DLGAP2: variants seen among roughly 807,000 people sequenced by gnomAD.
DLGAP2 encodes the protein DLG associated protein 2.
A neutral mutation model predicts 100.3 loss-of-function variants in DLGAP2; 26 were observed. The observed-to-expected ratio is 0.26, with a 90% CI of 0.19 to 0.36. The LOEUF is 0.36. Ranked by LOEUF, DLGAP2 falls within the 10% of genes least tolerant of loss-of-function variation. The probability of loss-of-function intolerance (pLI) is 1.00; values close to 1 mark genes in which losing one functional copy is unlikely to be tolerated. For missense variants in DLGAP2, 1,858 were observed against 1,453.2 expected (o/e 1.28, Z -4.53); for synonymous variants, 886 against 630.1 (o/e 1.41, Z -6.08).
chr8:1,141,390 C>G (rs182222128), intron 2 of DLGAP2, among the ~76,000 whole-genome samples: 1 of 152,262 alleles, frequency 6.6e-6, no homozygotes, highest in Admixed American at 6.5e-5. Context: ...TAAAGCATTT[C>G]AAGCATTATT....
Position 1,624,675 on chromosome 8 carries a change from G to A in DLGAP2, c.1443-2065G>A, listed in dbSNP as rs567128354. ...TCGACCTGGGGGATCCACAGAGGAG[G>A]GGAGGGGACAGGGCCCCTGCTGGTG... On this transcript the variant is annotated intron_variant, in intron 6 of 14. Coordinates refer to ENST00000637795, the MANE Select transcript of DLGAP2 (RefSeq NM_001346810.2). Among the ~76,000 whole-genome samples the A allele has an allele frequency of 3.9e-5, 6 of 152,150 alleles. No individual in the cohort carries two copies. In the South Asian group the frequency reaches 1.3e-3, roughly 32 times the overall value.
At chr8:1,547,136 G>C (rs914505541) in intron 4 of DLGAP2, among the ~76,000 whole-genome samples, 4 of 152,152 alleles carry the variant, frequency 2.6e-5, no homozygotes, top group Non-Finnish European at 4.4e-5. Flanking sequence ...GTGTGCTTAA[G>C]GCTCAGCAGA....
At chr8:1,186,444 C>T (rs1399369285) in intron 2 of DLGAP2, among the ~76,000 whole-genome samples, 2 of 152,208 alleles carry the variant, frequency 1.3e-5, no homozygotes, top group Admixed American at 6.5e-5. Flanking sequence ...CGCTGTGCAG[C>T]GAGTTCAGTT....
At chr8:986,565 G>T (rs548492273) in intron 2 of DLGAP2, among the ~76,000 whole-genome samples, 4 of 152,036 alleles carry the variant, frequency 2.6e-5, no homozygotes, top group Admixed American at 1.3e-4. Context: ...AGAGAAAGGG[G>T]CTGTGTTCTG....
intron 3 of DLGAP2, among the ~76,000 whole-genome samples, chr8:1,265,938 G>T (rs1021912655): frequency 1.3e-5 from 2 of 152,180 alleles, no homozygotes; most frequent in South Asian, 2.1e-4. Flanking sequence ...TAAAATCATT[G>T]TTTAATGATA....
intron 1 of DLGAP2, among the ~76,000 whole-genome samples, chr8:837,952 C>T (rs991835725): frequency 6.8e-6 from 1 of 148,062 alleles, no homozygotes; most frequent in African/African-American, 2.5e-5. Context: ...CCAGGCTGCT[C>T]CTGAGCTCAA....
intron 3 of DLGAP2, among the ~76,000 whole-genome samples, chr8:1,381,736 C>T (rs12546124): frequency 0.21 from 31,702 of 150,802 alleles, 3,579 homozygotes; most frequent in East Asian, 0.29. Context: ...ATCGCGTTGC[C>T]GTGAATGCTG....
At chr8:756,052 G>T (rs1250683861) in intron 1 of DLGAP2, among the ~76,000 whole-genome samples, 2 of 152,210 alleles carry the variant, frequency 1.3e-5, no homozygotes, top group African/African-American at 4.8e-5. Flanking sequence ...GGCAGTTAGG[G>T]GCCAGGCTGT....
At chr8:1,563,001 G>A (rs544986008) in intron 5 of DLGAP2, among the ~76,000 whole-genome samples, 14 of 62,758 alleles carry the variant, frequency 2.2e-4, no homozygotes, top group African/African-American at 2.8e-4. Flanking sequence ...GGGTGTCCGC[G>A]CCTCGTTGCT....
chr8:1,156,442 C>A (rs547633026), intron 2 of DLGAP2, among the ~76,000 whole-genome samples: 7 of 152,198 alleles, frequency 4.6e-5, no homozygotes, highest in Non-Finnish European at 8.8e-5. Flanking sequence ...AGGCCTCACA[C>A]GGTGCCAGGC....
intron 3 of DLGAP2, among the ~76,000 whole-genome samples, chr8:1,442,068 A>C (rs1460686732): frequency 1.3e-5 from 2 of 152,156 alleles, no homozygotes; most frequent in African/African-American, 4.8e-5. Context: ...ACCTTACTAA[A>C]CTCAGGAGCA....
At chr8:1,641,199 C>T (rs1163581026) in intron 8 of DLGAP2, among the ~76,000 whole-genome samples, 5 of 152,186 alleles carry the variant, frequency 3.3e-5, no homozygotes, top group African/African-American at 1.2e-4. Flanking sequence ...AGACGAATCA[C>T]GTGCCTCCCG....
chr8:1,070,047 C>G (rs887897001), intron 2 of DLGAP2, among the ~76,000 whole-genome samples: 1 of 152,228 alleles, frequency 6.6e-6, no homozygotes, highest in African/African-American at 2.4e-5. Context: ...GTTTCTGGCA[C>G]TGTGCATATT....
chr8:1,627,438 G>T (rs1797533638), intron 7 of DLGAP2, among the ~76,000 whole-genome samples: 1 of 152,220 alleles, frequency 6.6e-6, no homozygotes. Flanking sequence ...AGACACGGGG[G>T]CTGTGAAAGG....
intron 3 of DLGAP2, among the ~76,000 whole-genome samples, chr8:1,362,277 A>C (rs1293106424): frequency 6.6e-6 from 1 of 152,000 alleles, no homozygotes; most frequent in Non-Finnish European, 1.5e-5. Flanking sequence ...CCAGGCAGGT[A>C]AACGGGTCGA....
At chr8:751,115 A>G (rs1327332808) in intron 1 of DLGAP2, among the ~76,000 whole-genome samples, 9 of 68,170 alleles carry the variant, frequency 1.3e-4, no homozygotes, top group South Asian at 8.2e-4. Flanking sequence ...CCACCCTCTC[A>G]CGGGAAGGAG....
chr8:855,678 C>T (rs1243873879), intron 1 of DLGAP2, among the ~76,000 whole-genome samples: 8 of 152,250 alleles, frequency 5.3e-5, no homozygotes, highest in Middle Eastern at 3.4e-3. Context: ...GTGGGATCAT[C>T]GGTTACTGAT....
At chr8:1,268,345 A>G (rs1799510175) in intron 3 of DLGAP2, among the ~76,000 whole-genome samples, 1 of 152,180 alleles carries the variant, frequency 6.6e-6, no homozygotes, top group African/African-American at 2.4e-5. Flanking sequence ...TATTTGGGAG[A>G]TGGAAATATA....
chr8:1,301,781 T>A (rs969360401), intron 3 of DLGAP2: 1 of 152,296 alleles, frequency 6.6e-6, no homozygotes, highest in African/African-American at 2.4e-5. Context: ...CCCCTCCCCT[T>A]CCCACGGCAG....
Sources: gnomAD v4.1 joint callset for allele counts (sites outside exome capture counted in the v4.1 genomes callset) on GRCh38, gnomAD v4.1.1 for gene constraint, MANE v1.5 for transcripts, NCBI Gene and HGNC (gene_info 2026-07-23, HGNC 2026-07-21) for gene names.